The following ZNF708 variants were observed in gnomAD, a reference collection of about 807,000 sequenced individuals.
The protein encoded by ZNF708 is zinc finger protein 708.
ZNF708 carries 44 observed loss-of-function variants against 47.0 expected under a neutral mutation model. The ratio of observed to expected loss-of-function variants is 0.94; its 90% CI spans 0.74 to 1.20. The LOEUF is 1.20. Ranked by LOEUF, ZNF708 falls within the 50% of genes most tolerant of loss-of-function variation. ZNF708 has a pLI of 0.00. For synonymous variants in ZNF708, 184 were observed against 218.5 expected (o/e 0.84, Z 1.39); for missense variants, 557 against 656.0 (o/e 0.85, Z 1.65).
intron 1 of ZNF708, among the ~76,000 whole-genome samples, chr19:21,314,692 CCTT>C (rs1972968612): frequency 6.6e-6 from 1 of 152,172 alleles, no homozygotes; most frequent in African/African-American, 2.4e-5. Flanking sequence ...CAGATCTCCT[CCTT>C]GTTTTTACCC....
intron 3 of ZNF708, among the ~76,000 whole-genome samples, chr19:21,295,150 G>A (rs531809925): frequency 1.3e-5 from 2 of 152,082 alleles, no homozygotes; most frequent in African/African-American, 4.8e-5. Context: ...TTCAGACACT[G>A]GTTTCTGTCT....
Position 21,293,110 on chromosome 19 carries a change from T to G in ZNF708, c.*164A>C, listed in dbSNP as rs375087864. 6 of 934,324 alleles carry G rather than the reference T, an allele frequency of 6.4e-6. No homozygotes were observed. In the East Asian group the frequency reaches 7.7e-5, roughly 12 times the overall value. 57.9% of individuals were successfully genotyped at this position (934,324 alleles called of 1,614,324 possible). A position where few individuals can be genotyped will look rare whatever the true frequency, so the allele number is the denominator to read the frequency against. ...CAGTTAAATGCTTTGCCACATTCTTTACATTTGTAGGGTTTCTCTCTAGTA... is the reference window on the plus strand; with the variant it reads ...CAGTTAAATGCTTTGCCACATTCTTGACATTTGTAGGGTTTCTCTCTAGTA... On this transcript the variant is annotated 3_prime_UTR_variant, in exon 4 of 4. Coordinates refer to ENST00000356929, the MANE Select transcript of ZNF708 (RefSeq NM_021269.3).
intron 1 of ZNF708, among the ~76,000 whole-genome samples, chr19:21,310,842 T>G (rs369639976): frequency 1.1e-3 from 163 of 152,310 alleles, no homozygotes; most frequent in African/African-American, 3.6e-3. Flanking sequence ...AAAATCAGTG[T>G]ATATATGTTA....
intron 1 of ZNF708, 63 bp downstream of exon 1, chr19:21,329,147 G>A (rs891907368): frequency 1.2e-6 from 2 of 1,606,342 alleles, no homozygotes; most frequent in Non-Finnish European, 1.7e-6. Flanking sequence ...TCCCGCCACA[G>A]CCACTTCCCA....
chr19:21,296,073 T>C (rs1265339599), intron 3 of ZNF708, among the ~76,000 whole-genome samples: 1 of 151,742 alleles, frequency 6.6e-6, no homozygotes, highest in African/African-American at 2.4e-5. Context: ...GATAAAGTAA[T>C]GTATCATTTA....
chr19:21,316,317 G>A (rs1378828864), intron 1 of ZNF708, among the ~76,000 whole-genome samples: 1 of 151,382 alleles, frequency 6.6e-6, no homozygotes, highest in Non-Finnish European at 1.5e-5. Context: ...GTAGAGACAG[G>A]GTTTCTCCAT....
chr19:21,300,138 T>C (rs1189086465), intron 3 of ZNF708, among the ~76,000 whole-genome samples: 2 of 150,574 alleles, frequency 1.3e-5, no homozygotes, highest in African/African-American at 4.9e-5. Context: ...ACCCCATCTC[T>C]ACTAAAAATA....
chr19:21,311,911 T>C, intron 1 of ZNF708, among the ~76,000 whole-genome samples: 1 of 152,162 alleles, frequency 6.6e-6, no homozygotes, highest in East Asian at 1.9e-4. Flanking sequence ...ACCCTTTTAG[T>C]GCAAAGGTGA....
At position 21,312,694 on chromosome 19, in the gene ZNF708, A is replaced by G. The variant is rs1972923047; in HGVS notation, c.4-2067T>C. On this transcript the variant is annotated intron_variant, in intron 1 of 3. Transcript: ENST00000356929. Reference sequence around the variant, plus strand: ...GATTCTGCAGGTTTGGAAAGGATCCATGGATAAATGTTTTAAACAAGACCC... The same window carrying G: ...GATTCTGCAGGTTTGGAAAGGATCCGTGGATAAATGTTTTAAACAAGACCC... 2.0e-5 allele frequency among the ~76,000 whole-genome samples: 3 copies of G among 150,340 alleles called. No individual in the cohort carries two copies. In the Admixed American group the frequency reaches 2.0e-4, roughly 10 times the overall value.
rs1429991794 is a variant in ZNF708, at chr19:21,294,121, C to G, written c.845G>C (p.Cys282Ser). Residue 282 changes from cysteine (C) to serine (S), a missense_variant, in exon 4 of 4, where the codon TGT becomes TCT. By Grantham distance (112) the Cys-to-Ser change is moderately radical. Transcript: ENST00000356929. ...TTTAAAAGCTTTGCCACATTCTTCA[C>G]ATTTGTAGGGTTTCTCTCCAGTATG... ...IVHTGEKPYK[C>S]EECGKAFKQS... The G allele has an allele frequency of 1.2e-6, 2 of 1,612,938 alleles. No homozygotes were observed. Among genetic ancestry groups the G allele is most frequent in the African/African-American group, 2.7e-5 (2 of 74,864 alleles).
chr19:21,304,511 C>T (rs1370046146), intron 3 of ZNF708, among the ~76,000 whole-genome samples: 2 of 152,070 alleles, frequency 1.3e-5, no homozygotes, highest in Admixed American at 1.3e-4. Context: ...ACAAAACTTA[C>T]CAGGCAAAAG....
At chr19:21,301,716 G>A (rs1972663806) in intron 3 of ZNF708, among the ~76,000 whole-genome samples, 1 of 152,138 alleles carries the variant, frequency 6.6e-6, no homozygotes, top group Non-Finnish European at 1.5e-5. Flanking sequence ...AGAATCACTT[G>A]AACTCGGGAG....
intron 1 of ZNF708, 92 bp downstream of exon 1, chr19:21,329,118 G>A (rs1258822404): frequency 1.9e-6 from 3 of 1,554,068 alleles, no homozygotes; most frequent in South Asian, 1.1e-5. Flanking sequence ...TTGTGGAGAT[G>A]ACTGCGGGGA....
intron 1 of ZNF708, among the ~76,000 whole-genome samples, chr19:21,325,812 A>G (rs1447014941): frequency 1.3e-5 from 2 of 152,236 alleles, no homozygotes; most frequent in African/African-American, 4.8e-5. Context: ...TTCACAATCT[A>G]TACGTCTGAC....
intron 3 of ZNF708, among the ~76,000 whole-genome samples, chr19:21,307,378 C>A (rs1467737498): frequency 6.6e-6 from 1 of 152,040 alleles, no homozygotes; most frequent in Admixed American, 6.6e-5. Flanking sequence ...GTAATCCCAG[C>A]ACTTTGGGAA....
intron 3 of ZNF708, among the ~76,000 whole-genome samples, chr19:21,301,204 C>T (rs567096217): frequency 1.3e-4 from 20 of 152,042 alleles, no homozygotes; most frequent in Middle Eastern, 3.4e-3. Context: ...GAGCCAGGCA[C>T]GGTGGCTCAC....
chr19:21,303,470 C>T (rs1972698164), intron 3 of ZNF708, among the ~76,000 whole-genome samples: 1 of 152,008 alleles, frequency 6.6e-6, no homozygotes, highest in African/African-American at 2.4e-5. Flanking sequence ...ATGAGAATCA[C>T]TTGAATCCAG....
At chr19:21,296,510 A>T (rs914379811) in intron 3 of ZNF708, among the ~76,000 whole-genome samples, 1 of 151,994 alleles carries the variant, frequency 6.6e-6, no homozygotes, top group Non-Finnish European at 1.5e-5. Flanking sequence ...CTCAAAATAA[A>T]TAAATAAATA....
intron 1 of ZNF708, among the ~76,000 whole-genome samples, chr19:21,316,133 C>CTTTTTTTTTT (rs544312163): frequency 1.1e-4 from 12 of 105,484 alleles, no homozygotes; most frequent in Non-Finnish European, 1.4e-4. Context: ...TTTCTTTTTT[C>CTTTTTTTTTT]TTTTTTTTTT....
Sources: gnomAD v4.1 joint callset for allele counts (sites outside exome capture counted in the v4.1 genomes callset) on GRCh38, gnomAD v4.1.1 for gene constraint, MANE v1.5 for transcripts, NCBI Gene and HGNC (gene_info 2026-07-23, HGNC 2026-07-21) for gene names.